MAP3K21: variants seen among roughly 807,000 people sequenced by gnomAD.
The protein encoded by MAP3K21 is mitogen-activated protein kinase kinase kinase 21, also known as mitogen-activated protein kinase kinase kinase MLK4.
MAP3K21 carries 63 observed loss-of-function variants against 86.1 expected under a neutral mutation model. The ratio of observed to expected loss-of-function variants is 0.73; its 90% confidence interval spans 0.60 to 0.90. The LOEUF (loss-of-function observed/expected upper bound fraction) is 0.90. Among genes scored for constraint, MAP3K21 ranks in the 40% least tolerant of loss-of-function variants. The probability of loss-of-function intolerance (pLI) is 0.00; values close to 1 mark genes in which losing one functional copy is unlikely to be tolerated. For missense variants in MAP3K21, 1,220 were observed against 1,367.7 expected (o/e 0.89, Z 1.70); for synonymous variants, 558 against 564.8 (o/e 0.99, Z 0.17).
At chr1:233,366,755 TGTA>T (rs1428296348) in intron 5 of MAP3K21, among the ~76,000 whole-genome samples, 10 of 152,352 alleles carry the variant, frequency 6.6e-5, no homozygotes, top group African/African-American at 2.4e-4. Context: ...TACATTCTCT[TGTA>T]ACTTTGTCCT....
intron 1 of MAP3K21, among the ~76,000 whole-genome samples, chr1:233,340,444 A>G (rs1572240825): frequency 6.6e-6 from 1 of 152,176 alleles, no homozygotes; most frequent in African/African-American, 2.4e-5. Context: ...CAGAATTGTT[A>G]GAATATAGGG....
chr1:233,382,260 C>T (rs762415599), intron 9 of MAP3K21, 45 bp from the exon 10 acceptor site: 1 of 1,494,446 alleles, frequency 6.7e-7, no homozygotes, highest in East Asian at 2.3e-5. Flanking sequence ...TGTTTTAGAA[C>T]TCATTTTCTT....
At position 233,379,229 on chromosome 1, in the gene MAP3K21, G is replaced by T. The variant is rs3795374; in HGVS notation, c.2223G>T (p.Glu741Asp). 324,884 of 1,613,828 alleles carry T rather than the reference G, an allele frequency of 0.2. 34,945 individuals are homozygous for T. Among genetic ancestry groups the T allele is most frequent in the Admixed American group, 0.34 (20,421 of 59,998 alleles). Residue 741 changes from glutamate (E) to aspartate (D), a missense_variant, in exon 9 of 10, where the codon GAG becomes GAT. Physicochemically the swap from Glu to Asp is conservative, Grantham distance 45. Around this residue, in one of 5 missense-constraint regions of MAP3K21, gnomAD observed 632 missense variants for 691.3 expected, o/e 0.91. Coordinates refer to ENST00000366624, the MANE Select transcript of MAP3K21 (RefSeq NM_032435.3). ...TGGCTCTGGGACTGGACCTCAGAGA[G>T]CTTCATAAAGCACAGGCTGCTGAAG... ...ASVALGLDLR[E>D]LHKAQAAEEP...
At position 233,382,307 on chromosome 1, in the gene MAP3K21, G is replaced by C. The variant is rs555395590; in HGVS notation, c.2707G>C (p.Gly903Arg). 9 of 1,606,476 alleles carry C rather than the reference G, an allele frequency of 5.6e-6. No homozygotes were observed. Among genetic ancestry groups the C allele is most frequent in the Non-Finnish European group, 7.7e-6 (9 of 1,174,022 alleles). ...TMSDGNPTPT[G>R]ATIISATGAS... ...ACTGTTTTGGCTTTCTCAACCAGCT[G>C]GTGCAACTATTATCTCAGCCACTGG... Residue 903 changes from glycine to arginine, a missense_variant and splice_region_variant, in exon 10 of 10, where the codon GGT (glycine) becomes CGT (arginine). By Grantham distance (125) the Gly-to-Arg change is moderately radical (BLOSUM62 -2). This residue lies in a region of MAP3K21 where 632 missense variants were observed against 691.3 expected (regional missense o/e 0.91). Coordinates refer to ENST00000366624, the MANE Select transcript of MAP3K21 (RefSeq NM_032435.3).
Position 233,328,933 on chromosome 1 carries a change from C to T in MAP3K21, c.805+100C>T. The T allele has an allele frequency of 8.5e-7, 1 of 1,178,122 alleles. No homozygotes were observed. Among genetic ancestry groups the T allele is most frequent in the East Asian group, 3.4e-5 (1 of 29,806 alleles). The allele number at this position is 1,178,122 out of a possible 1,614,324, so 73.0% of individuals were successfully genotyped here. On this transcript the variant is annotated intron_variant, in intron 1 of 9. Coordinates refer to ENST00000366624, the MANE Select transcript of MAP3K21 (RefSeq NM_032435.3). The surrounding 1 kb of genome is among the most constrained non-coding windows in gnomAD (Gnocchi z 8.7). Reference sequence around the variant, plus strand: ...CAGATGGAAAGAGGTGGGAGTCAGCCTTAGGGCGCCAGCAGCAACTCATGC... The same window carrying T: ...CAGATGGAAAGAGGTGGGAGTCAGCTTTAGGGCGCCAGCAGCAACTCATGC...
intron 1 of MAP3K21, among the ~76,000 whole-genome samples, chr1:233,337,991 A>G (rs888057152): frequency 1.3e-5 from 2 of 152,146 alleles, no homozygotes; most frequent in Non-Finnish European, 2.9e-5. Context: ...TAAATATGTT[A>G]TGTTCTTGCT....
chr1:233,379,726 T>C lies in MAP3K21; in HGVS notation c.2704+16T>C. The C allele has an allele frequency of 6.3e-7, 1 of 1,589,390 alleles. No individual in the cohort carries two copies. The highest frequency in any genetic ancestry group is 8.6e-7 in the Non-Finnish European group (1 of 1,166,312). ...CCGACCCCAAGTAGGTTGCATTAAT[T>C]AGGTAAAAGCATAAAACACTGCTGT... On this transcript the variant is annotated intron_variant, in intron 9 of 9. Coordinates refer to ENST00000366624, the MANE Select transcript of MAP3K21 (RefSeq NM_032435.3).
intron 1 of MAP3K21, among the ~76,000 whole-genome samples, chr1:233,332,613 G>A (rs1662829563): frequency 6.6e-6 from 1 of 152,180 alleles, no homozygotes; most frequent in African/African-American, 2.4e-5. Flanking sequence ...AGGAGGCACC[G>A]ACTCTGCCCA....
chr1:233,364,622 T>C (rs1047358536), intron 5 of MAP3K21, among the ~76,000 whole-genome samples: 2 of 152,238 alleles, frequency 1.3e-5, no homozygotes, highest in Admixed American at 1.3e-4. Flanking sequence ...CCTTGGCTAA[T>C]ACCCTGAGTT....
chr1:233,356,282 T>C (rs1268155359), intron 4 of MAP3K21, among the ~76,000 whole-genome samples: 8 of 152,248 alleles, frequency 5.3e-5, no homozygotes, highest in Non-Finnish European at 8.8e-5. Context: ...CTGTCCTTTC[T>C]GCTAGATAAT....
rs1478560711 is a variant in MAP3K21 at position 233,327,979 on chromosome 1, G to A, written c.-50G>A. 1 of 1,234,994 alleles carries A rather than the reference G, an allele frequency of 8.1e-7. No individual in the cohort carries two copies. Among genetic ancestry groups the A allele is most frequent in the Non-Finnish European group, 1.0e-6 (1 of 990,306 alleles). The allele number at this position is 1,234,994 out of a possible 1,614,324, so 76.5% of individuals were successfully genotyped here. On this transcript the variant is annotated 5_prime_UTR_variant, in exon 1 of 10. Coordinates refer to ENST00000366624, the MANE Select transcript of MAP3K21 (RefSeq NM_032435.3). ...GGACGATGCGCGCCCGCGGCCGCCC[G>A]GGAGGCTGAGCCCAGCTTCCCGCTC... is the stretch of plus-strand genomic sequence containing the variant.
chr1:233,378,884 T>C, intron 8 of MAP3K21, 47 bp from the exon 9 acceptor site: 1 of 1,297,176 alleles, frequency 7.7e-7, no homozygotes, highest in Non-Finnish European at 1.1e-6. Flanking sequence ...TAAATGACTT[T>C]TGCTGTAAAA....
At chr1:233,357,777 G>A (rs1374868031) in intron 4 of MAP3K21, among the ~76,000 whole-genome samples, 1 of 152,214 alleles carries the variant, frequency 6.6e-6, no homozygotes. Context: ...CAAGTAGGGA[G>A]AGAAGAAACC....
At chr1:233,360,326 T>C (rs539770066) in intron 4 of MAP3K21, among the ~76,000 whole-genome samples, 1 of 152,294 alleles carries the variant, frequency 6.6e-6, no homozygotes, top group East Asian at 1.9e-4. Context: ...TTCCCCTTTT[T>C]TTCAAGTAGT....
intron 4 of MAP3K21, among the ~76,000 whole-genome samples, chr1:233,357,431 A>T (rs1663381694): frequency 6.6e-6 from 1 of 152,106 alleles, no homozygotes; most frequent in Admixed American, 6.5e-5. Flanking sequence ...ATAAAAATAA[A>T]AATAAAAAAA....
In MAP3K21 at chr1:233,365,178, T is replaced by C. The variant is rs147666657; in HGVS notation, c.1552+2885T>C. ...GCTAGAAAATTCTTTAAGTTAGTAT[T>C]GTTTAATAGGGGAAACAATTCAGGA... On this transcript the variant is annotated intron_variant, in intron 5 of 9. Transcript: ENST00000366624. Among the ~76,000 whole-genome samples the C allele has an allele frequency of 3.3e-3, 503 of 152,314 alleles. 3 individuals carry two copies. The highest frequency in any genetic ancestry group is 0.011 in the African/African-American group (462 of 41,576).
chr1:233,332,820 G>A (rs1294301), intron 1 of MAP3K21, among the ~76,000 whole-genome samples: 118,324 of 152,076 alleles, frequency 0.78, 46,291 homozygotes, highest in East Asian at 0.99. Context: ...CTTTTTTGAT[G>A]TTGCTTATTG....
chr1:233,337,022 A>C (rs921045021), intron 1 of MAP3K21, among the ~76,000 whole-genome samples: 12 of 152,298 alleles, frequency 7.9e-5, no homozygotes, highest in African/African-American at 2.9e-4. Flanking sequence ...AAATGGTGTT[A>C]TTTGTGGTAG....
chr1:233,362,043 T>C lies in MAP3K21; in HGVS notation c.1312-10T>C. 6.2e-7 allele frequency: 1 copy of C among 1,610,254 alleles called. No homozygotes were observed. Among genetic ancestry groups the C allele is most frequent in the Non-Finnish European group, 8.5e-7 (1 of 1,178,438 alleles). ...GGAATGATTCCGGTGGGTGTGAATC[T>C]GTGTCGCAGGAGCTGCGATCCCGGG... is the stretch of plus-strand genomic sequence containing the variant. On this transcript the variant is annotated splice_polypyrimidine_tract_variant and intron_variant, in intron 4 of 9. Coordinates refer to ENST00000366624, the MANE Select transcript of MAP3K21 (RefSeq NM_032435.3).
Sources: gnomAD v4.1 joint callset for allele counts (sites outside exome capture counted in the v4.1 genomes callset) on GRCh38, gnomAD v4.1.1 for gene constraint, gnomAD v4.1.1 regional missense constraint, Gnocchi (gnomAD v3.1) non-coding constraint, MANE v1.5 for transcripts, NCBI Gene and HGNC (gene_info 2026-07-23, HGNC 2026-07-21) for gene names.